SUMF1: variants seen among roughly 807,000 people sequenced by gnomAD.
SUMF1 encodes the protein formylglycine-generating enzyme.
In SUMF1, 48 loss-of-function variants were observed where a neutral mutation model predicts 47.6. The observed-to-expected ratio is 1.01, with a 90% confidence interval of 0.80 to 1.28. SUMF1 has a LOEUF of 1.28. Among genes scored for constraint, SUMF1 ranks in the 50% most tolerant of loss-of-function variants. SUMF1 has a pLI of 0.00. For synonymous variants in SUMF1, 230 were observed against 192.1 expected (o/e 1.20, Z -1.63); for missense variants, 571 against 485.4 (o/e 1.18, Z -1.66).
At chr3:4,425,958 C>A (rs926185851) in intron 3 of SUMF1, among the ~76,000 whole-genome samples, 2 of 152,152 alleles carry the variant, frequency 1.3e-5, no homozygotes, top group Non-Finnish European at 2.9e-5. Context: ...TCTCAGAGAT[C>A]ACATCAGATC....
chr3:4,054,659 C>T (rs547601544), intron 9 of SUMF1, among the ~76,000 whole-genome samples: 2 of 152,232 alleles, frequency 1.3e-5, no homozygotes, highest in Admixed American at 6.5e-5. Flanking sequence ...ATGAGATACT[C>T]ACAGTGTGCT....
chr3:4,268,499 CTT>C lies in SUMF1; in HGVS notation c.1014+107829_1014+107830del, dbSNP rs61066874. Reference sequence around the variant, plus strand: ...TTACATAGTAAAATAAAATGTTTTTCTTTTTTTTTTTTTTTTTTCAGATCAAT... The same window carrying C: ...TTACATAGTAAAATAAAATGTTTTTCTTTTTTTTTTTTTTTTCAGATCAAT... On this transcript the variant is annotated intron_variant and NMD_transcript_variant, in intron 8 of 12. Transcript: ENST00000448413. Among the ~76,000 whole-genome samples, 501 of 117,284 alleles carry C rather than the reference CTT, an allele frequency of 4.3e-3. 4 individuals are homozygous for C. The highest frequency in any genetic ancestry group is 0.013 in the African/African-American group (422 of 31,862). 76.9% of individuals were successfully genotyped at this position (117,284 alleles called of 152,430 possible). A position where few individuals can be genotyped will look rare whatever the true frequency, so the allele number is the denominator to read the frequency against.
intron 8 of SUMF1, among the ~76,000 whole-genome samples, chr3:4,226,719 G>A (rs1401424209): frequency 1.3e-5 from 2 of 151,998 alleles, no homozygotes; most frequent in African/African-American, 4.8e-5. Flanking sequence ...ATAAGCAGAG[G>A]AGCTTCAATT....
intron 8 of SUMF1, chr3:4,313,388 G>A: frequency 6.2e-7 from 1 of 1,613,904 alleles, no homozygotes; most frequent in Non-Finnish European, 8.5e-7. Context: ...ACTTATATAG[G>A]AAATATTGGA....
At chr3:4,303,098 C>T (rs898264607) in intron 8 of SUMF1, among the ~76,000 whole-genome samples, 1 of 152,202 alleles carries the variant, frequency 6.6e-6, no homozygotes, top group Non-Finnish European at 1.5e-5. Context: ...ACCTCGAAAG[C>T]CCCCTCTCTG....
chr3:4,369,272 A>G (rs2662127), intron 8 of SUMF1, among the ~76,000 whole-genome samples: 86,911 of 151,312 alleles, frequency 0.57, 25,694 homozygotes, highest in East Asian at 0.76. Context: ...CAGGTAGACA[A>G]AAGGAAGATG....
At chr3:4,185,281 A>G (rs1239968469) in intron 8 of SUMF1, among the ~76,000 whole-genome samples, 1 of 152,202 alleles carries the variant, frequency 6.6e-6, no homozygotes, top group East Asian at 1.9e-4. Context: ...AAAGATTTCT[A>G]TGTGTTCAAA....
intron 9 of SUMF1, among the ~76,000 whole-genome samples, chr3:4,035,173 C>T (rs1171397009): frequency 6.6e-6 from 1 of 152,108 alleles, no homozygotes. Context: ...ATAGGCTATG[C>T]ATTATTTTCC....
At chr3:4,258,009 G>A (rs1348583830) in intron 8 of SUMF1, among the ~76,000 whole-genome samples, 2 of 151,978 alleles carry the variant, frequency 1.3e-5, no homozygotes, top group Non-Finnish European at 2.9e-5. Context: ...CAAGCAATGG[G>A]GAAAGGATTC....
chr3:4,210,950 A>T (rs1695767164), intron 8 of SUMF1, among the ~76,000 whole-genome samples: 1 of 151,488 alleles, frequency 6.6e-6, no homozygotes, highest in Admixed American at 6.6e-5. Flanking sequence ...CCCAGCATAC[A>T]TCTTTCTCCT....
At chr3:4,201,512 G>A (rs1237454120) in intron 8 of SUMF1, among the ~76,000 whole-genome samples, 1 of 152,010 alleles carries the variant, frequency 6.6e-6, no homozygotes, top group African/African-American at 2.4e-5. Flanking sequence ...TCCATTGTAT[G>A]TATGAATCAC....
intron 8 of SUMF1, among the ~76,000 whole-genome samples, chr3:4,198,821 G>A (rs1447285205): frequency 6.6e-6 from 1 of 151,778 alleles, no homozygotes; most frequent in African/African-American, 2.4e-5. Context: ...CATCTGCTCT[G>A]GGGAATAATC....
intron 8 of SUMF1, among the ~76,000 whole-genome samples, chr3:4,305,331 C>T (rs1209310832): frequency 6.6e-6 from 1 of 152,166 alleles, no homozygotes; most frequent in African/African-American, 2.4e-5. Flanking sequence ...AGTGATCCAC[C>T]CACCTGGGCC....
intron 8 of SUMF1, among the ~76,000 whole-genome samples, chr3:4,221,127 A>C (rs943640206): frequency 6.6e-6 from 1 of 152,132 alleles, no homozygotes; most frequent in Non-Finnish European, 1.5e-5. Flanking sequence ...CATGCCTTTT[A>C]TTCACCACAG....
chr3:4,171,947 G>A (rs1363822134), intron 8 of SUMF1, among the ~76,000 whole-genome samples: 1 of 152,032 alleles, frequency 6.6e-6, no homozygotes, highest in Admixed American at 6.6e-5. Context: ...CACCCTTTGA[G>A]GCACCTTAAA....
rs1559312879 is a variant in SUMF1 at position 4,456,888 on chromosome 3, A to ATATCTATATACGTGTG, written c.271-3840_271-3839insCACACGTATATAGATA. ...TGTGTGTATATCTATATGTGTGTGT[A>ATATCTATATACGTGTG]TATATATGTGTGTGTATATCTATAT... On this transcript the variant is annotated intron_variant, in intron 1 of 8. Transcript: ENST00000272902. Among the ~76,000 whole-genome samples, 19 of 140,076 alleles carry ATATCTATATACGTGTG rather than the reference A, an allele frequency of 1.4e-4. 1 individual carries two copies. Among genetic ancestry groups the ATATCTATATACGTGTG allele is most frequent in the African/African-American group, 5.1e-4 (18 of 34,984 alleles). The allele number at this position is 140,076 out of a possible 152,430, so 91.9% of individuals were successfully genotyped here.
Position 4,273,965 on chromosome 3 carries a change from A to C in SUMF1, c.1014+102365T>G, listed in dbSNP as rs367848499. Among the ~76,000 whole-genome samples the C allele has an allele frequency of 4.3e-4, 66 of 152,138 alleles. No individual in the cohort carries two copies. In the South Asian group the frequency reaches 0.014, roughly 32 times the overall value. On this transcript the variant is annotated intron_variant and NMD_transcript_variant, in intron 8 of 12. Coordinates refer to the SUMF1 transcript ENST00000448413. ...TAATAGCCTAGTCTGCATCTGTCAG[A>C]ATACGTCATATCAGCAGGTCCCTGG... is the stretch of plus-strand genomic sequence containing the variant.
intron 8 of SUMF1, among the ~76,000 whole-genome samples, chr3:4,157,674 G>A (rs1279816204): frequency 6.6e-6 from 1 of 151,360 alleles, no homozygotes; most frequent in African/African-American, 2.5e-5. Flanking sequence ...TTCCCTTATA[G>A]CTCTGCTTAT....
chr3:4,335,726 C>T (rs994462674), intron 8 of SUMF1, among the ~76,000 whole-genome samples: 2 of 151,940 alleles, frequency 1.3e-5, no homozygotes, highest in Admixed American at 6.6e-5. Context: ...GGACAGATCA[C>T]GAGGTCAGGA....
Sources: allele counts gnomAD v4.1 joint callset (sites outside exome capture counted in the v4.1 genomes callset), GRCh38; gene constraint gnomAD v4.1.1; transcripts MANE v1.5; gene names NCBI Gene and HGNC (gene_info 2026-07-23, HGNC 2026-07-21).